LRFN5: variants seen among roughly 807,000 people sequenced by gnomAD.
LRFN5 encodes leucine rich repeat and fibronectin type III domain containing 5, also known as leucine-rich repeat and fibronectin type-III domain-containing protein 5.
A neutral mutation model predicts 45.6 loss-of-function variants in LRFN5; 24 were observed. The observed-to-expected ratio is 0.53, with a 90% CI of 0.38 to 0.74. The LOEUF is 0.74. LRFN5 is among the 30% of genes least tolerant of loss of function. The pLI is 0.00. For missense variants in LRFN5, 776 were observed against 861.5 expected (o/e 0.90, Z 1.24); for synonymous variants, 340 against 313.8 (o/e 1.08, Z -0.88).
At chr14:41,784,442 A>G (rs1456985242) in intron 2 of LRFN5, among the ~76,000 whole-genome samples, 2 of 151,474 alleles carry the variant, frequency 1.3e-5, no homozygotes, top group Admixed American at 1.3e-4. Context: ...CCTCATACTC[A>G]TGTTGCCCTT....
intron 1 of LRFN5, among the ~76,000 whole-genome samples, chr14:41,758,233 G>T (rs575266943): frequency 6.6e-6 from 1 of 152,238 alleles, no homozygotes; most frequent in East Asian, 1.9e-4. Flanking sequence ...TTTTCCAGAT[G>T]TGGCTTGATA....
intron 2 of LRFN5, among the ~76,000 whole-genome samples, chr14:41,872,015 C>T (rs1267458973): frequency 6.6e-6 from 1 of 151,996 alleles, no homozygotes; most frequent in African/African-American, 2.4e-5. Context: ...ATTTCTTTAG[C>T]TGGTTTGAAA....
intron 2 of LRFN5, among the ~76,000 whole-genome samples, chr14:41,774,984 A>G (rs575712021): frequency 9.8e-5 from 15 of 152,294 alleles, no homozygotes; most frequent in African/African-American, 3.1e-4. Flanking sequence ...ATAATGAAGG[A>G]TAACTGACTC....
chr14:41,781,647 G>GAA (rs1311200183), intron 2 of LRFN5, among the ~76,000 whole-genome samples: 5 of 141,452 alleles, frequency 3.5e-5, no homozygotes, highest in African/African-American at 1.3e-4. Context: ...AAGAAAGAAA[G>GAA]AGAAAGAAAG....
intron 2 of LRFN5, among the ~76,000 whole-genome samples, chr14:41,879,916 CTTTTT>C (rs34553310): frequency 1.1e-4 from 6 of 56,470 alleles, no homozygotes; most frequent in Admixed American, 2.6e-4. Context: ...TCAATTTTTC[CTTTTT>C]TTTTTTTTTT....
chr14:41,894,485 G>C (rs1890876386), intron 4 of LRFN5: 1 of 962,304 alleles, frequency 1.0e-6, no homozygotes, highest in African/African-American at 1.8e-5. Flanking sequence ...AAAAATGATA[G>C]AAAGGTGAGT....
At chr14:41,833,123 G>C (rs76013786) in intron 2 of LRFN5, among the ~76,000 whole-genome samples, 2,762 of 152,242 alleles carry the variant, frequency 0.018, 32 homozygotes, top group African/African-American at 0.038. Flanking sequence ...AATTTCTCTA[G>C]ACAGATAAGC....
intron 1 of LRFN5, among the ~76,000 whole-genome samples, chr14:41,616,860 C>G (rs1022646004): frequency 6.6e-6 from 1 of 152,090 alleles, no homozygotes; most frequent in African/African-American, 2.4e-5. Context: ...GCAGAAGACC[C>G]TTGGGACCAA....
intron 1 of LRFN5, among the ~76,000 whole-genome samples, chr14:41,674,184 G>A (rs1881442730): frequency 7.2e-6 from 1 of 138,664 alleles, no homozygotes; most frequent in African/African-American, 2.7e-5. Flanking sequence ...CAGACGGGGC[G>A]GCTGGCCGGG....
At chr14:41,723,362 C>T (rs1883804303) in intron 1 of LRFN5, among the ~76,000 whole-genome samples, 2 of 152,138 alleles carry the variant, frequency 1.3e-5, no homozygotes, top group Non-Finnish European at 2.9e-5. Context: ...GATCTCTACA[C>T]AGAAAGGGTG....
rs1484407004 is a variant in LRFN5 at position 41,856,724 on chromosome 14, A to G, written c.-20-29882A>G. ...CGGAGTCTCGTTCTGTCGCCCAGGC[A>G]GGAGTGCTGTGGCGCGATCTCCGCT... On this transcript the variant is annotated intron_variant, in intron 2 of 5. Transcript: ENST00000298119. Among the ~76,000 whole-genome samples, 469 of 92,214 alleles carry G rather than the reference A, an allele frequency of 5.1e-3. 5 individuals carry two copies. The highest frequency in any genetic ancestry group is 0.017 in the African/African-American group (405 of 24,544). The allele number at this position is 92,214 out of a possible 152,430, so 60.5% of individuals were successfully genotyped here. A position where few individuals can be genotyped will look rare whatever the true frequency, so the allele number is the denominator to read the frequency against.
At chr14:41,733,574 T>C (rs1379028134) in intron 1 of LRFN5, 1 of 152,070 alleles carries the variant, frequency 6.6e-6, no homozygotes, top group Non-Finnish European at 1.5e-5. Flanking sequence ...CAGATCAAAA[T>C]AAGAAGACAT....
At chr14:41,750,996 C>T (rs1449052370) in intron 1 of LRFN5, among the ~76,000 whole-genome samples, 2 of 152,032 alleles carry the variant, frequency 1.3e-5, no homozygotes, top group Non-Finnish European at 2.9e-5. Flanking sequence ...CGACAGGCCC[C>T]AGTGTGTGAT....
intron 1 of LRFN5, among the ~76,000 whole-genome samples, chr14:41,734,587 T>C (rs2138803407): frequency 6.6e-6 from 1 of 150,400 alleles, no homozygotes; most frequent in Non-Finnish European, 1.5e-5. Flanking sequence ...CAGTATACAA[T>C]GGAGTCTTGT....
intron 1 of LRFN5, among the ~76,000 whole-genome samples, chr14:41,729,443 A>C (rs1190585134): frequency 6.6e-6 from 1 of 152,116 alleles, no homozygotes; most frequent in African/African-American, 2.4e-5. Context: ...ACCATGAGCC[A>C]ATTAAACCTC....
At chr14:41,857,558 C>T (rs537712431) in intron 2 of LRFN5, among the ~76,000 whole-genome samples, 4 of 152,218 alleles carry the variant, frequency 2.6e-5, no homozygotes, top group East Asian at 3.9e-4. Flanking sequence ...TTTTCTACTG[C>T]GTGCAACTCA....
chr14:41,736,865 AC>A (rs1338239155), intron 1 of LRFN5, among the ~76,000 whole-genome samples: 1 of 152,124 alleles, frequency 6.6e-6, no homozygotes, highest in Non-Finnish European at 1.5e-5. Flanking sequence ...ATTAAAGCCT[AC>A]CAATCCAAAA....
At chr14:41,670,712 AT>A (rs1173316536) in intron 1 of LRFN5, among the ~76,000 whole-genome samples, 1 of 151,928 alleles carries the variant, frequency 6.6e-6, no homozygotes, top group Admixed American at 6.6e-5. Flanking sequence ...TTTATCCATC[AT>A]TTTTATTTCA....
intron 1 of LRFN5, among the ~76,000 whole-genome samples, chr14:41,738,972 G>A (rs922909487): frequency 1.3e-5 from 2 of 152,036 alleles, no homozygotes; most frequent in South Asian, 2.1e-4. Context: ...AAGTATGCAC[G>A]GAACATTCTC....
Sources: gnomAD v4.1 joint callset for allele counts (sites outside exome capture counted in the v4.1 genomes callset) on GRCh38, gnomAD v4.1.1 for gene constraint, MANE v1.5 for transcripts, NCBI Gene and HGNC (gene_info 2026-07-23, HGNC 2026-07-21) for gene names.